The following FRMD4A variants were observed in gnomAD, a reference collection of about 807,000 sequenced individuals.
The protein encoded by FRMD4A is FERM domain-containing protein 4A.
FRMD4A carries 29 observed loss-of-function variants against 129.1 expected under a neutral mutation model. That is an observed-to-expected ratio of 0.22 (90% CI 0.17 to 0.31). The LOEUF (loss-of-function observed/expected upper bound fraction) is 0.31. Ranked by LOEUF, FRMD4A falls within the 10% of genes least tolerant of loss-of-function variation. FRMD4A has a pLI of 1.00. For synonymous variants in FRMD4A, 634 were observed against 571.6 expected (o/e 1.11, Z -1.56); for missense variants, 1,272 against 1,375.8 (o/e 0.92, Z 1.19).
chr10:13,973,743 G>A (rs897165418), intron 2 of FRMD4A, among the ~76,000 whole-genome samples: 1 of 151,490 alleles, frequency 6.6e-6, no homozygotes, highest in Admixed American at 6.6e-5. Context: ...AGAAAGGAAG[G>A]AAGGGAAGAA....
chr10:14,105,791 C>A (rs1215117899), intron 2 of FRMD4A, among the ~76,000 whole-genome samples: 2 of 152,128 alleles, frequency 1.3e-5, no homozygotes, highest in Non-Finnish European at 2.9e-5. Context: ...TTTGAACACA[C>A]TGGGTCATTT....
At chr10:13,897,795 G>A (rs1409789719) in intron 2 of FRMD4A, among the ~76,000 whole-genome samples, 5 of 151,804 alleles carry the variant, frequency 3.3e-5, no homozygotes, top group Non-Finnish European at 5.9e-5. Flanking sequence ...AAAATTAGCC[G>A]GGTGTGGTTG....
intron 4 of FRMD4A, among the ~76,000 whole-genome samples, chr10:13,810,077 CAG>C (rs36074024): frequency 0.038 from 5,683 of 147,988 alleles, 289 homozygotes; most frequent in African/African-American, 0.12. Context: ...ATCTGGAAGA[CAG>C]AGAGAGAGAG....
chr10:14,214,124 T>G (rs1843005746), intron 2 of FRMD4A, among the ~76,000 whole-genome samples: 1 of 152,232 alleles, frequency 6.6e-6, no homozygotes, highest in African/African-American at 2.4e-5. Flanking sequence ...TGTGGAACTG[T>G]GAGTCCGTTA....
chr10:13,651,086 C>A (rs960752271), intron 24 of FRMD4A: 1 of 152,234 alleles, frequency 6.6e-6, no homozygotes, highest in Admixed American at 6.5e-5. Context: ...CCAGGTGGTA[C>A]TGTTATCTGC....
At chr10:13,840,685 C>T (rs77859891) in intron 3 of FRMD4A, among the ~76,000 whole-genome samples, 1,555 of 149,486 alleles carry the variant, frequency 0.01, 53 homozygotes, top group South Asian at 0.06. Flanking sequence ...CTATTAGGGA[C>T]GCTGAGGCAT....
At chr10:13,952,875 T>C (rs2095382776) in intron 2 of FRMD4A, among the ~76,000 whole-genome samples, 1 of 151,618 alleles carries the variant, frequency 6.6e-6, no homozygotes, top group East Asian at 1.9e-4. Flanking sequence ...TTCGTATTTT[T>C]AGTAGAGAAG....
intron 2 of FRMD4A, among the ~76,000 whole-genome samples, chr10:13,984,480 A>G (rs757165959): frequency 5.1e-4 from 77 of 152,216 alleles, no homozygotes; most frequent in Non-Finnish European, 8.5e-4. Context: ...AGCCATCTCC[A>G]GAAGTTTTTC....
At chr10:13,877,029 T>C (rs1014426358) in intron 2 of FRMD4A, among the ~76,000 whole-genome samples, 5 of 152,146 alleles carry the variant, frequency 3.3e-5, no homozygotes, top group Admixed American at 3.3e-4. Flanking sequence ...CTGCCCTCAG[T>C]GATGGGTGAA....
chr10:13,856,470 T>A (rs1456155131), intron 3 of FRMD4A, among the ~76,000 whole-genome samples: 1 of 152,068 alleles, frequency 6.6e-6, no homozygotes, highest in Non-Finnish European at 1.5e-5. Flanking sequence ...CAGGAAGTGA[T>A]AACAAGTACA....
chr10:14,206,275 C>G (rs933003036), intron 2 of FRMD4A, among the ~76,000 whole-genome samples: 1 of 152,204 alleles, frequency 6.6e-6, no homozygotes, highest in East Asian at 1.9e-4. Flanking sequence ...AACAAACTGA[C>G]AACCCAGTCA....
intron 2 of FRMD4A, among the ~76,000 whole-genome samples, chr10:13,944,995 A>G (rs573268093): frequency 9.8e-5 from 15 of 152,294 alleles, no homozygotes; most frequent in African/African-American, 3.6e-4. Context: ...AGGGATTAAC[A>G]CTGGCTTTAC....
rs547176102 is a variant in FRMD4A at position 13,734,840 on chromosome 10, C to T, written c.759+3004G>A. ...ATAACTTTTTTTTCTTCTTCTTTTT[C>T]TATTTATTTATTTATTTATTTATTT... On this transcript the variant is annotated intron_variant, in intron 12 of 24. Transcript: ENST00000357447. 6.2e-3 allele frequency among the ~76,000 whole-genome samples: 873 copies of T among 141,608 alleles called. 6 individuals are homozygous for T. The highest frequency in any genetic ancestry group is 0.021 in the African/African-American group (795 of 37,744). The allele number at this position is 141,608 out of a possible 152,430, so 92.9% of individuals were successfully genotyped here.
intron 2 of FRMD4A, among the ~76,000 whole-genome samples, chr10:14,127,914 CTT>C (rs1838937720): frequency 4.2e-4 from 1 of 2,376 alleles, no homozygotes; most frequent in Admixed American, 3.7e-3. Flanking sequence ...TGCTTTCTTT[CTT>C]TCTTTCTTTC....
In FRMD4A at chr10:13,761,544, T is replaced by G. The variant is rs150775774; in HGVS notation, c.464+103A>C. The G allele has an allele frequency of 5.3e-4, 405 of 768,454 alleles. 1 individual carries two copies. The highest frequency in any genetic ancestry group is 8.5e-4 in the Non-Finnish European group (379 of 447,422). 47.6% of individuals were successfully genotyped at this position (768,454 alleles called of 1,614,324 possible). A position where few individuals can be genotyped will look rare whatever the true frequency, so the allele number is the denominator to read the frequency against. Reference sequence around the variant, plus strand: ...TAGATCTCATCATTAACATATAACATGAATAAATTGTCCACCTAAAAAGGA... The same window carrying G: ...TAGATCTCATCATTAACATATAACAGGAATAAATTGTCCACCTAAAAAGGA... On this transcript the variant is annotated intron_variant, in intron 8 of 24. Transcript: ENST00000357447.
chr10:13,990,954 G>A (rs2095601147), intron 2 of FRMD4A, among the ~76,000 whole-genome samples: 1 of 152,130 alleles, frequency 6.6e-6, no homozygotes. Context: ...ATGGAGTGGG[G>A]GACCTCTAAG....
At chr10:13,927,222 C>T (rs1278393667) in intron 2 of FRMD4A, among the ~76,000 whole-genome samples, 1 of 149,320 alleles carries the variant, frequency 6.7e-6, no homozygotes, top group Non-Finnish European at 1.5e-5. Flanking sequence ...CACTGCACTA[C>T]AGCCTGAGTG....
At chr10:14,234,116 G>T (rs1447876669) in intron 2 of FRMD4A, among the ~76,000 whole-genome samples, 1 of 152,174 alleles carries the variant, frequency 6.6e-6, no homozygotes, top group East Asian at 1.9e-4. Context: ...CAGACAGGCA[G>T]ATAAATGAAA....
chr10:13,792,255 G>A (rs752448240), intron 5 of FRMD4A, among the ~76,000 whole-genome samples: 11 of 152,196 alleles, frequency 7.2e-5, no homozygotes, highest in Non-Finnish European at 1.6e-4. Flanking sequence ...TGCAAACATG[G>A]CCAAGCGTGG....
Sources: gnomAD v4.1 joint callset for allele counts (sites outside exome capture counted in the v4.1 genomes callset) on GRCh38, gnomAD v4.1.1 for gene constraint, MANE v1.5 for transcripts, NCBI Gene and HGNC (gene_info 2026-07-23, HGNC 2026-07-21) for gene names.